The following SLC24A2 variants were observed in gnomAD, a reference collection of about 807,000 sequenced individuals.
SLC24A2 encodes the protein sodium/potassium/calcium exchanger 2.
Under a neutral mutation model 62.0 loss-of-function variants are expected in SLC24A2, and 36 were observed. That is an observed-to-expected ratio of 0.58 (90% confidence interval 0.44 to 0.77). The LOEUF is 0.77. Among genes scored for constraint, SLC24A2 ranks in the 30% least tolerant of loss-of-function variants. The pLI, the probability that SLC24A2 is intolerant of heterozygous loss-of-function variation, is 0.00. For synonymous variants in SLC24A2, 358 were observed against 294.0 expected, an observed-to-expected ratio of 1.22 and a Z score of -2.23; for missense variants, 846 against 817.9, an observed-to-expected ratio of 1.03 and a Z score of -0.42.
At chr9:19,866,508 A>G in the SLC24A2 span, among the ~76,000 whole-genome samples, 37 of 152,094 alleles carry the variant, frequency 2.4e-4, no homozygotes, top group African/African-American at 8.9e-4. Flanking sequence ...ACAATGGAGT[A>G]TTATTCAGCC....
At chr9:19,654,127 A>G (rs1451715475) in intron 2 of SLC24A2, among the ~76,000 whole-genome samples, 1 of 152,200 alleles carries the variant, frequency 6.6e-6, no homozygotes, top group Admixed American at 6.5e-5. Flanking sequence ...ACTTTTGGTT[A>G]TTACAGTGTT....
At chr9:19,555,889 G>C (rs1189966150) in intron 7 of SLC24A2, among the ~76,000 whole-genome samples, 3 of 152,142 alleles carry the variant, frequency 2.0e-5, no homozygotes, top group Non-Finnish European at 4.4e-5. Context: ...AGGTTGCAGT[G>C]AACTGAGATC....
At chr9:20,192,990 C>A in the SLC24A2 span, among the ~76,000 whole-genome samples, 2 of 152,266 alleles carry the variant, frequency 1.3e-5, no homozygotes, top group East Asian at 3.9e-4. Flanking sequence ...AACCCCCCAG[C>A]ACACAGTATA....
At chr9:20,087,036 T>C in the SLC24A2 span, among the ~76,000 whole-genome samples, 1 of 152,196 alleles carries the variant, frequency 6.6e-6, no homozygotes, top group African/African-American at 2.4e-5. Context: ...GTGAAGATTA[T>C]ATTTTCCATG....
At chr9:20,104,886 T>G in the SLC24A2 span, among the ~76,000 whole-genome samples, 1 of 152,162 alleles carries the variant, frequency 6.6e-6, no homozygotes, top group African/African-American at 2.4e-5. Context: ...AATGCTCCAA[T>G]TAAAAGACAC....
chr9:20,276,364 A>G, the SLC24A2 span, among the ~76,000 whole-genome samples: 3 of 152,334 alleles, frequency 2.0e-5, no homozygotes, highest in South Asian at 4.1e-4. Flanking sequence ...AAGCTCCAAA[A>G]TGATCTCCTT....
the SLC24A2 span, among the ~76,000 whole-genome samples, chr9:20,131,146 A>G: frequency 0.15 from 22,905 of 151,484 alleles, 2,442 homozygotes; most frequent in East Asian, 0.47. Context: ...TGCTTTTCAA[A>G]GAAGCAATAC....
At chr9:19,655,952 A>G (rs887956174) in intron 2 of SLC24A2, among the ~76,000 whole-genome samples, 1 of 152,176 alleles carries the variant, frequency 6.6e-6, no homozygotes, top group African/African-American at 2.4e-5. Flanking sequence ...GCCATACTTG[A>G]TACTGAAAAA....
At chr9:19,848,304 A>G in the SLC24A2 span, among the ~76,000 whole-genome samples, 1 of 152,198 alleles carries the variant, frequency 6.6e-6, no homozygotes, top group Non-Finnish European at 1.5e-5. Context: ...TTTGCTGAAA[A>G]TATTACGCTA....
the SLC24A2 span, among the ~76,000 whole-genome samples, chr9:20,219,542 C>G: frequency 6.6e-6 from 1 of 152,126 alleles, no homozygotes; most frequent in Admixed American, 6.6e-5. Flanking sequence ...TCCTAACTGG[C>G]AGGTTGCGCT....
the SLC24A2 span, among the ~76,000 whole-genome samples, chr9:20,007,384 T>C: frequency 3.9e-5 from 6 of 152,136 alleles, no homozygotes; most frequent in Non-Finnish European, 5.9e-5. Flanking sequence ...ACTGGTAATG[T>C]CTGCCTTGGC....
the SLC24A2 span, among the ~76,000 whole-genome samples, chr9:19,930,545 C>T: frequency 1.5e-4 from 23 of 152,152 alleles, no homozygotes; most frequent in African/African-American, 5.3e-4. Flanking sequence ...TCATATACTG[C>T]CCCTAGAGTC....
the SLC24A2 span, among the ~76,000 whole-genome samples, chr9:19,983,745 T>A: frequency 6.6e-6 from 1 of 152,116 alleles, no homozygotes; most frequent in Non-Finnish European, 1.5e-5. Context: ...TGCAATTGAA[T>A]ATAAACACCT....
chr9:20,207,592 A>T, the SLC24A2 span, among the ~76,000 whole-genome samples: 1 of 152,220 alleles, frequency 6.6e-6, no homozygotes, highest in South Asian at 2.1e-4. Context: ...CTTCCTTTCT[A>T]GACTGTCTCA....
the SLC24A2 span, among the ~76,000 whole-genome samples, chr9:19,820,042 C>T: frequency 0.1 from 3,326 of 32,570 alleles, 194 homozygotes; most frequent in African/African-American, 0.16. Context: ...TATATATATA[C>T]ATATATATAT....
the SLC24A2 span, among the ~76,000 whole-genome samples, chr9:20,278,059 G>T: frequency 6.6e-6 from 1 of 152,032 alleles, no homozygotes. Flanking sequence ...ACACAGGGTG[G>T]GGAACATCAC....
chr9:19,727,210 T>A (rs535062534), intron 2 of SLC24A2, among the ~76,000 whole-genome samples: 1 of 152,300 alleles, frequency 6.6e-6, no homozygotes, highest in African/African-American at 2.4e-5. Context: ...TAAGTTGACA[T>A]ACATATTAGA....
chr9:20,212,959 G>T, the SLC24A2 span, among the ~76,000 whole-genome samples: 1 of 151,698 alleles, frequency 6.6e-6, no homozygotes, highest in Non-Finnish European at 1.5e-5. Flanking sequence ...CTTATAAGTG[G>T]GAGTTGAAAA....
At chr9:19,847,661 C>CATGATATAT in the SLC24A2 span, among the ~76,000 whole-genome samples, 1 of 152,148 alleles carries the variant, frequency 6.6e-6, no homozygotes, top group Admixed American at 6.5e-5. Flanking sequence ...AGAACGCAAG[C>CATGATATAT]ATGATATATA....
Sources: gnomAD v4.1 joint callset for allele counts (sites outside exome capture counted in the v4.1 genomes callset) on GRCh38, gnomAD v4.1.1 for gene constraint, MANE v1.5 for transcripts, NCBI Gene and HGNC (gene_info 2026-07-23, HGNC 2026-07-21) for gene names.